FMN1: variants seen among roughly 807,000 people sequenced by gnomAD.
FMN1 encodes formin-1.
In FMN1, 110 loss-of-function variants were observed where a neutral mutation model predicts 132.4. The observed-to-expected ratio is 0.83, with a 90% CI of 0.71 to 0.97. The LOEUF is 0.97. FMN1 is among the 50% of genes least tolerant of loss of function. The pLI, the probability that FMN1 is intolerant of heterozygous loss-of-function variation, is 0.00. For missense variants in FMN1, 1,792 were observed against 1,705.3 expected, an observed-to-expected ratio of 1.05 and a Z score of -0.90; for synonymous variants, 722 against 651.7, an observed-to-expected ratio of 1.11 and a Z score of -1.64.
At chr15:33,193,861 C>A (rs1028041377) in intron 2 of FMN1, 48 bp downstream of exon 2, 1 of 151,150 alleles carries the variant, frequency 6.6e-6, no homozygotes, top group African/African-American at 2.4e-5. Context: ...GAGCACTGTT[C>A]GTTATTTGGT....
At chr15:33,027,291 G>A (rs2035723302) in intron 6 of FMN1, among the ~76,000 whole-genome samples, 1 of 151,926 alleles carries the variant, frequency 6.6e-6, no homozygotes, top group African/African-American at 2.4e-5. Context: ...AAAGTACAGG[G>A]TGCTCAGTTA....
In FMN1 at chr15:32,766,590, C is replaced by T. The variant is rs1297779806; in HGVS notation, c.*7720G>A. The T allele has an allele frequency of 7.5e-6, 1 of 133,450 alleles. No homozygotes were observed. Among genetic ancestry groups the T allele is most frequent in the Admixed American group, 9.0e-5 (1 of 11,100 alleles). 8.3% of individuals were successfully genotyped at this position (133,450 alleles called of 1,614,324 possible). A position where few individuals can be genotyped will look rare whatever the true frequency, so the allele number is the denominator to read the frequency against. On this transcript the variant is annotated 3_prime_UTR_variant, in exon 21 of 21. Coordinates refer to ENST00000616417, the MANE Select transcript of FMN1 (RefSeq NM_001277313.2). Reference sequence around the variant, plus strand: ...AAATAAAAAGAGACGTATTTTCCATCTCTTTTATGGATTTTCCTTTTTGCT... The same window carrying T: ...AAATAAAAAGAGACGTATTTTCCATTTCTTTTATGGATTTTCCTTTTTGCT...
intron 6 of FMN1, among the ~76,000 whole-genome samples, chr15:33,019,827 G>A (rs1042630343): frequency 2.0e-5 from 3 of 152,148 alleles, no homozygotes; most frequent in Non-Finnish European, 4.4e-5. Flanking sequence ...CAAGCACCGC[G>A]TGCAGCCCTG....
chr15:33,104,778 T>C (rs953472846), intron 4 of FMN1, among the ~76,000 whole-genome samples: 1 of 152,136 alleles, frequency 6.6e-6, no homozygotes, highest in East Asian at 1.9e-4. Context: ...TAATTTGATA[T>C]AAATTTGTAA....
At chr15:32,782,445 T>TAA (rs1567157958) in intron 19 of FMN1, among the ~76,000 whole-genome samples, 2 of 152,216 alleles carry the variant, frequency 1.3e-5, no homozygotes, top group South Asian at 4.1e-4. Context: ...GATTAAGTCT[T>TAA]AAACAAGGAA....
chr15:33,149,121 C>G (rs1460052633), intron 4 of FMN1, among the ~76,000 whole-genome samples: 3 of 151,898 alleles, frequency 2.0e-5, no homozygotes, highest in African/African-American at 7.3e-5. Context: ...AAAATTAATG[C>G]CTTTCTCCAA....
chr15:33,114,155 C>T (rs2039820833), intron 4 of FMN1, among the ~76,000 whole-genome samples: 1 of 152,204 alleles, frequency 6.6e-6, no homozygotes, highest in African/African-American at 2.4e-5. Context: ...GACACTACTG[C>T]TAGTGCCTGC....
At chr15:32,965,554 A>C (rs527544661) in intron 8 of FMN1, among the ~76,000 whole-genome samples, 1 of 152,308 alleles carries the variant, frequency 6.6e-6, no homozygotes, top group South Asian at 2.1e-4. Flanking sequence ...TAAAAAGATA[A>C]CTATTATTAC....
At chr15:32,922,254 G>T (rs1433315518) in intron 10 of FMN1, among the ~76,000 whole-genome samples, 4 of 152,200 alleles carry the variant, frequency 2.6e-5, no homozygotes, top group African/African-American at 9.7e-5. Context: ...CAAGCAGGCA[G>T]TTTTGTCCAA....
chr15:33,161,104 A>G (rs1234624895), intron 3 of FMN1, among the ~76,000 whole-genome samples: 1 of 152,232 alleles, frequency 6.6e-6, no homozygotes, highest in African/African-American at 2.4e-5. Context: ...TTCTTTGCCT[A>G]GTCATTGGCA....
chr15:33,041,932 C>A (rs2036459102), intron 6 of FMN1, among the ~76,000 whole-genome samples: 1 of 151,408 alleles, frequency 6.6e-6, no homozygotes, highest in Admixed American at 6.6e-5. Context: ...TTCACCACAG[C>A]TAAAAATAAA....
chr15:33,082,639 G>T (rs532945940), intron 5 of FMN1, among the ~76,000 whole-genome samples: 2 of 152,116 alleles, frequency 1.3e-5, no homozygotes, highest in African/African-American at 4.8e-5. Context: ...AAATCTGGTT[G>T]AAAGTGCCCT....
At chr15:32,979,779 A>G (rs904707768) in intron 7 of FMN1, among the ~76,000 whole-genome samples, 1 of 152,128 alleles carries the variant, frequency 6.6e-6, no homozygotes, top group Non-Finnish European at 1.5e-5. Flanking sequence ...TGATTCATCC[A>G]GCAAAAGCAT....
Position 32,804,304 on chromosome 15 carries a change from A to G in FMN1, c.3957T>C (p.Ser1319=). The change falls in exon 18 of 21, where the codon AGT becomes AGC. Residue 1319 remains serine, a synonymous_variant. Coordinates refer to ENST00000616417, the MANE Select transcript of FMN1 (RefSeq NM_001277313.2). The part of the protein sequence containing the change: ...KAKKEHKMEE[S]HLENAQKSFE... The stretch of plus-strand genomic sequence containing the variant: ...ACCTTTTCTGTGCATTCTCCAAGTG[A>G]CTTTCTTCCATCTTATGCTCTTTTT... 6.4e-7 allele frequency: 1 copy of G among 1,568,490 alleles called. No individual in the cohort carries two copies. Among genetic ancestry groups the G allele is most frequent in the Non-Finnish European group, 8.7e-7 (1 of 1,155,486 alleles).
chr15:33,164,577 G>A (rs80247168), intron 3 of FMN1, among the ~76,000 whole-genome samples: 2,694 of 152,248 alleles, frequency 0.018, 28 homozygotes, highest in Non-Finnish European at 0.028. Context: ...TCTCAAAGAC[G>A]TCGAGGAATT....
chr15:32,967,014 G>A (rs904118399), intron 8 of FMN1, among the ~76,000 whole-genome samples: 3 of 152,170 alleles, frequency 2.0e-5, no homozygotes, highest in Non-Finnish European at 4.4e-5. Context: ...ATCATAGAGG[G>A]GCAGCCCCCC....
intron 6 of FMN1, among the ~76,000 whole-genome samples, chr15:33,014,854 T>C (rs1392798660): frequency 6.6e-6 from 1 of 152,232 alleles, no homozygotes; most frequent in African/African-American, 2.4e-5. Flanking sequence ...ACAGAAGGCA[T>C]GCAGTAACCA....
chr15:33,165,969 G>A (rs1194107595), intron 3 of FMN1, among the ~76,000 whole-genome samples: 1 of 152,166 alleles, frequency 6.6e-6, no homozygotes, highest in Non-Finnish European at 1.5e-5. Flanking sequence ...TAGTAACATG[G>A]AAGGAAAACC....
intron 10 of FMN1, among the ~76,000 whole-genome samples, chr15:32,918,106 T>TA (rs1433452718): frequency 4.9e-4 from 73 of 149,712 alleles, no homozygotes; most frequent in South Asian, 3.3e-3. Context: ...CAGAATTTCT[T>TA]TAAAAAAAAA....
Sources: allele counts gnomAD v4.1 joint callset (sites outside exome capture counted in the v4.1 genomes callset), GRCh38; gene constraint gnomAD v4.1.1; transcripts MANE v1.5; gene names NCBI Gene and HGNC (gene_info 2026-07-23, HGNC 2026-07-21).